Variants in CHL1 observed in about 807,000 individuals in gnomAD.
The protein encoded by CHL1 is cell adhesion molecule L1 like.
In CHL1, 96 loss-of-function variants were observed where a neutral mutation model predicts 141.9. That is an observed-to-expected ratio of 0.68 (90% CI 0.57 to 0.80). The LOEUF is 0.80. Ranked by LOEUF, CHL1 falls within the 30% of genes least tolerant of loss-of-function variation. The pLI is 0.00. For synonymous variants in CHL1, 613 were observed against 502.2 expected (o/e 1.22, Z -2.95); for missense variants, 1,820 against 1,457.2 (o/e 1.25, Z -4.05).
At chr3:376,949 A>G (rs993591396) in intron 15 of CHL1, among the ~76,000 whole-genome samples, 3 of 152,260 alleles carry the variant, frequency 2.0e-5, no homozygotes, top group Non-Finnish European at 4.4e-5. Context: ...GTAGGTTTAT[A>G]TAATTCAAAA....
chr3:310,331 G>A (rs1485425743), intron 2 of CHL1, among the ~76,000 whole-genome samples: 1 of 152,056 alleles, frequency 6.6e-6, no homozygotes, highest in Non-Finnish European at 1.5e-5. Flanking sequence ...TACTAGAGAG[G>A]CTGAGGCAGG....
intron 1 of CHL1, among the ~76,000 whole-genome samples, chr3:235,821 C>T (rs1052817990): frequency 1.9e-4 from 29 of 152,180 alleles, no homozygotes; most frequent in African/African-American, 6.8e-4. Flanking sequence ...CTGTTTCAAA[C>T]ATGATTTCTT....
At chr3:269,832 G>C (rs17016971) in intron 2 of CHL1, among the ~76,000 whole-genome samples, 16,427 of 152,180 alleles carry the variant, frequency 0.11, 1,241 homozygotes, top group East Asian at 0.37. Flanking sequence ...AGCCAAAACA[G>C]ACCCAGTATT....
At chr3:275,786 G>T (rs1696040492) in intron 2 of CHL1, among the ~76,000 whole-genome samples, 1 of 152,106 alleles carries the variant, frequency 6.6e-6, no homozygotes, top group African/African-American at 2.4e-5. Context: ...CTAAAGAATA[G>T]ATCTCAGTCT....
chr3:244,066 G>T (rs1692923401), intron 1 of CHL1, among the ~76,000 whole-genome samples: 1 of 152,040 alleles, frequency 6.6e-6, no homozygotes, highest in Admixed American at 6.6e-5. Flanking sequence ...ACATGTTGAT[G>T]TTTTAAGAGA....
chr3:356,068 T>C (rs182285155), intron 11 of CHL1, among the ~76,000 whole-genome samples: 53 of 152,300 alleles, frequency 3.5e-4, no homozygotes, highest in Non-Finnish European at 2.5e-4. Context: ...GTTGGTATTG[T>C]TTTCCCATAA....
rs1048200880 is a variant in CHL1 at position 407,968 on chromosome 3, C to A, written c.*2257C>A. The A allele has an allele frequency of 6.6e-6, 1 of 152,014 alleles. No homozygotes were observed. The highest frequency in any genetic ancestry group is 1.5e-5 in the Non-Finnish European group (1 of 67,980). 9.4% of individuals were successfully genotyped at this position (152,014 alleles called of 1,614,324 possible). On this transcript the variant is annotated 3_prime_UTR_variant, in exon 28 of 28. Transcript: ENST00000256509. ...CTTTGCTATCATTGTTACCTTTCCT[C>A]AATACTATTTGGCAACTACTGGGAC... is the stretch of plus-strand genomic sequence containing the variant.
At position 316,472 on chromosome 3, in the gene CHL1, T is replaced by C. The variant is rs1479884257; in HGVS notation, c.-94-3211T>C. On this transcript the variant is annotated intron_variant, in intron 2 of 27. Coordinates refer to ENST00000256509, the MANE Select transcript of CHL1 (RefSeq NM_006614.4). ...TCTTTTGAAGTGGTTGGCAGGGATG[T>C]TTTTTTTCCTAAGGATGAGCTACGA... Among the ~76,000 whole-genome samples the C allele has an allele frequency of 3.3e-5, 5 of 151,656 alleles. No individual in the cohort carries two copies. The East Asian group carries it at 9.8e-4, about 30-fold the overall frequency.
intron 1 of CHL1, among the ~76,000 whole-genome samples, chr3:244,079 G>A (rs1379852322): frequency 6.6e-6 from 1 of 151,064 alleles, no homozygotes; most frequent in Non-Finnish European, 1.5e-5. Flanking sequence ...TTAAGAGATA[G>A]GCGGCTTGGC....
intron 5 of CHL1, among the ~76,000 whole-genome samples, chr3:338,250 G>A (rs1309602329): frequency 1.3e-5 from 2 of 152,154 alleles, no homozygotes; most frequent in Non-Finnish European, 2.9e-5. Flanking sequence ...GTGATTTTTG[G>A]TTTTGGTGTT....
At chr3:371,239 A>C (rs890947009) in intron 15 of CHL1, among the ~76,000 whole-genome samples, 2 of 152,134 alleles carry the variant, frequency 1.3e-5, no homozygotes, top group Admixed American at 1.3e-4. Context: ...TGGGAGTCTC[A>C]GTGTCTTTGT....
intron 19 of CHL1, among the ~76,000 whole-genome samples, chr3:387,583 C>G (rs1200648576): frequency 1.3e-5 from 2 of 152,056 alleles, no homozygotes; most frequent in African/African-American, 4.8e-5. Flanking sequence ...AAATTTAACT[C>G]CTTTCTTTGG....
chr3:291,044 T>C (rs916761453), intron 2 of CHL1, among the ~76,000 whole-genome samples: 3 of 152,120 alleles, frequency 2.0e-5, no homozygotes, highest in African/African-American at 7.2e-5. Flanking sequence ...TCATTGAAAT[T>C]AATTTATAAA....
chr3:326,023 T>C lies in CHL1; in HGVS notation c.156T>C (p.Tyr52=), dbSNP rs749220560. 1 of 1,611,682 alleles carries C rather than the reference T, an allele frequency of 6.2e-7. No individual in the cohort carries two copies. Among genetic ancestry groups the C allele is most frequent in the East Asian group, 2.2e-5 (1 of 44,742 alleles). The stretch of plus-strand genomic sequence containing the variant: ...AAGTTGCCTTTCCCTTCGATGAGTA[T>C]TTTCAAATTGAATGTGAAGCTAAAG... ...KVQVAFPFDE[Y]FQIECEAKGN... Residue 52 remains tyrosine, a synonymous_variant, in exon 4 of 28, where the codon TAT becomes TAC. Transcript: ENST00000256509.
intron 19 of CHL1, chr3:384,506 T>A (rs1355185635): frequency 6.6e-6 from 1 of 152,158 alleles, no homozygotes; most frequent in Admixed American, 6.5e-5. Flanking sequence ...ATATCTCGGT[T>A]AAATGTTATT....
chr3:230,683 A>G (rs935696424), intron 1 of CHL1, among the ~76,000 whole-genome samples: 13 of 152,332 alleles, frequency 8.5e-5, no homozygotes, highest in African/African-American at 3.1e-4. Flanking sequence ...TAGTAAAATG[A>G]ACATGAATAG....
chr3:214,322 T>C (rs985968642), intron 1 of CHL1, among the ~76,000 whole-genome samples: 1 of 152,138 alleles, frequency 6.6e-6, no homozygotes, highest in African/African-American at 2.4e-5. Flanking sequence ...AAGGCTATTC[T>C]CTAGACACAA....
chr3:405,818 T>C lies in CHL1; in HGVS notation c.*107T>C. 2 of 757,464 alleles carry C rather than the reference T, an allele frequency of 2.6e-6. No individual in the cohort carries two copies. Among genetic ancestry groups the C allele is most frequent in the Non-Finnish European group, 2.2e-6 (1 of 461,008 alleles). The allele number at this position is 757,464 out of a possible 1,614,324, so 46.9% of individuals were successfully genotyped here. ...GGAATAGAAACATGCTGGCCGAAGA[T>C]TTCATCCAGAAGTCAACATCCTGCA... is the stretch of plus-strand genomic sequence containing the variant. On this transcript the variant is annotated 3_prime_UTR_variant, in exon 28 of 28. Coordinates refer to ENST00000256509, the MANE Select transcript of CHL1 (RefSeq NM_006614.4).
intron 15 of CHL1, among the ~76,000 whole-genome samples, chr3:373,292 C>T (rs946621850): frequency 1.3e-5 from 2 of 152,340 alleles, no homozygotes; most frequent in South Asian, 4.1e-4. Context: ...TGTCCCTGAG[C>T]CTCTGGCTGG....
Sources: allele counts gnomAD v4.1 joint callset (sites outside exome capture counted in the v4.1 genomes callset), GRCh38; gene constraint gnomAD v4.1.1; transcripts MANE v1.5; gene names NCBI Gene and HGNC (gene_info 2026-07-23, HGNC 2026-07-21).